The following LEPR variants were observed in gnomAD, a reference collection of about 807,000 sequenced individuals.
The protein encoded by LEPR is OB receptor.
A neutral mutation model predicts 114.7 loss-of-function variants in LEPR; 56 were observed. That is an observed-to-expected ratio of 0.49 (90% CI 0.39 to 0.61). The LOEUF is 0.61. Among genes scored for constraint, LEPR ranks in the 20% least tolerant of loss-of-function variants. The probability of loss-of-function intolerance (pLI) is 0.00; values close to 1 mark genes in which losing one functional copy is unlikely to be tolerated. For missense variants in LEPR, 1,202 were observed against 1,352.9 expected (o/e 0.89, Z 1.75); for synonymous variants, 443 against 461.4 (o/e 0.96, Z 0.51).
At chr1:65,432,963 T>G (rs1450959050) in intron 2 of LEPR, 1 of 984,968 alleles carries the variant, frequency 1.0e-6, no homozygotes, top group Non-Finnish European at 1.2e-6. Context: ...CAAAACATAC[T>G]CTCTCCCCCA....
At chr1:65,452,154 C>T in intron 2 of LEPR, among the ~76,000 whole-genome samples, 1 of 152,142 alleles carries the variant, frequency 6.6e-6, no homozygotes, top group East Asian at 1.9e-4. Context: ...GCTGAAGTTG[C>T]TTATCAATTT....
At chr1:65,442,015 G>C (rs1267258883) in intron 2 of LEPR, among the ~76,000 whole-genome samples, 1 of 152,156 alleles carries the variant, frequency 6.6e-6, no homozygotes, top group African/African-American at 2.4e-5. Flanking sequence ...TGTGGGCTGA[G>C]AGAGAAGAGG....
intron 5 of LEPR, among the ~76,000 whole-genome samples, chr1:65,575,074 G>A (rs1654487661): frequency 6.6e-6 from 1 of 152,116 alleles, no homozygotes; most frequent in Non-Finnish European, 1.5e-5. Context: ...AAAAAACCTG[G>A]TTACTGGGAC....
intron 2 of LEPR, among the ~76,000 whole-genome samples, chr1:65,523,587 A>C (rs886797644): frequency 6.6e-6 from 1 of 152,224 alleles, no homozygotes; most frequent in African/African-American, 2.4e-5. Flanking sequence ...CTGGGATTAC[A>C]GGCATGAGCC....
chr1:65,477,571 C>G (rs765671079), intron 2 of LEPR, among the ~76,000 whole-genome samples: 11 of 152,210 alleles, frequency 7.2e-5, no homozygotes, highest in Non-Finnish European at 1.6e-4. Flanking sequence ...CACCTGGGAT[C>G]TCTGTGGCAG....
At position 65,521,328 on chromosome 1, in the gene LEPR, G is replaced by A. The variant is rs539355804; in HGVS notation, c.-20-44218G>A. On this transcript the variant is annotated intron_variant, in intron 2 of 19. Transcript: ENST00000349533. Reference sequence around the variant, plus strand: ...AAGGGTTAAGGCCTTTTGTCTGATCGAAAACCCTTAAAACAGCCATCTGAC... The same window carrying A: ...AAGGGTTAAGGCCTTTTGTCTGATCAAAAACCCTTAAAACAGCCATCTGAC... Among the ~76,000 whole-genome samples the A allele has an allele frequency of 2.2e-4, 33 of 152,224 alleles. 1 individual carries two copies. The highest frequency in any genetic ancestry group is 1.9e-4 in the East Asian group (1 of 5,188).
intron 5 of LEPR, among the ~76,000 whole-genome samples, chr1:65,587,023 A>G (rs1270589190): frequency 1.3e-5 from 2 of 149,678 alleles, no homozygotes; most frequent in African/African-American, 4.9e-5. Flanking sequence ...GCCCTTTTTT[A>G]CAAATATTCA....
intron 5 of LEPR, among the ~76,000 whole-genome samples, chr1:65,586,169 T>A (rs939216952): frequency 6.6e-6 from 1 of 152,020 alleles, no homozygotes; most frequent in Non-Finnish European, 1.5e-5. Flanking sequence ...ATATTGAACA[T>A]GATGCACAAG....
At chr1:65,492,361 A>G (rs188695767) in intron 2 of LEPR, among the ~76,000 whole-genome samples, 4 of 152,246 alleles carry the variant, frequency 2.6e-5, no homozygotes, top group Non-Finnish European at 4.4e-5. Context: ...TCTTTCATGA[A>G]TTAAGCTTTT....
Position 65,640,569 on chromosome 1 carries a change from T to C in LEPR, c.*3554T>C, listed in dbSNP as rs1658832025. 1 of 152,208 alleles carries C rather than the reference T, an allele frequency of 6.6e-6. No homozygotes were observed. Among genetic ancestry groups the C allele is most frequent in the Non-Finnish European group, 1.5e-5 (1 of 68,036 alleles). 9.4% of individuals were successfully genotyped at this position (152,208 alleles called of 1,614,324 possible). On this transcript the variant is annotated 3_prime_UTR_variant, in exon 20 of 20. Coordinates refer to ENST00000349533, the MANE Select transcript of LEPR (RefSeq NM_002303.6). The stretch of plus-strand genomic sequence containing the variant: ...TATTTATAAAAGGAAGCTACATAAG[T>C]AGGTAATTTTACTCTTTCTTAACCA...
chr1:65,583,482 T>G (rs1381710574), intron 5 of LEPR, among the ~76,000 whole-genome samples: 1 of 152,038 alleles, frequency 6.6e-6, no homozygotes, highest in Non-Finnish European at 1.5e-5. Flanking sequence ...CAGTGACATT[T>G]CATAGGAACT....
intron 2 of LEPR, chr1:65,494,258 T>C (rs1234982101): frequency 6.6e-6 from 1 of 152,172 alleles, no homozygotes; most frequent in African/African-American, 2.4e-5. Context: ...ACATGGCAAA[T>C]ACTTTCACAA....
At chr1:65,610,356 C>G in intron 14 of LEPR, 60 bp downstream of exon 14, 2 of 1,346,510 alleles carry the variant, frequency 1.5e-6, no homozygotes, top group Admixed American at 1.9e-5. Flanking sequence ...AAATTTACTT[C>G]ATGGTCCATA....
At chr1:65,529,601 T>C (rs963390866) in intron 2 of LEPR, among the ~76,000 whole-genome samples, 1 of 151,948 alleles carries the variant, frequency 6.6e-6, no homozygotes, top group African/African-American at 2.4e-5. Context: ...CTGTCTCCAA[T>C]TATTCTCTTC....
chr1:65,460,057 C>CT (rs376057328), intron 2 of LEPR, among the ~76,000 whole-genome samples: 12,360 of 144,712 alleles, frequency 0.085, 613 homozygotes, highest in Middle Eastern at 0.13. Flanking sequence ...CTAAATTATC[C>CT]TTTTTTTTTT....
intron 3 of LEPR, 120 bp from the exon 4 acceptor site, chr1:65,570,353 T>G (rs1250144569): frequency 2.1e-6 from 2 of 938,122 alleles, no homozygotes; most frequent in South Asian, 3.4e-5. Flanking sequence ...AGACACTCAC[T>G]GAGGACTTAG....
intron 3 of LEPR, among the ~76,000 whole-genome samples, chr1:65,568,728 T>C (rs1449828586): frequency 6.6e-6 from 1 of 151,172 alleles, no homozygotes; most frequent in Non-Finnish European, 1.5e-5. Context: ...GTTCTACTTT[T>C]AGTTCTTTGA....
chr1:65,480,253 A>G (rs1391181510), intron 2 of LEPR, among the ~76,000 whole-genome samples: 2 of 152,226 alleles, frequency 1.3e-5, no homozygotes, highest in African/African-American at 2.4e-5. Context: ...CTGTGCAACA[A>G]AGAAAAACCG....
intron 5 of LEPR, among the ~76,000 whole-genome samples, chr1:65,581,514 G>A (rs753557660): frequency 2.0e-5 from 3 of 148,900 alleles, no homozygotes; most frequent in Non-Finnish European, 3.0e-5. Context: ...CACTATTTCT[G>A]CTAATACACT....
Sources: gnomAD v4.1 joint callset for allele counts (sites outside exome capture counted in the v4.1 genomes callset) on GRCh38, gnomAD v4.1.1 for gene constraint, MANE v1.5 for transcripts, NCBI Gene and HGNC (gene_info 2026-07-23, HGNC 2026-07-21) for gene names.